The following EPS8 variants were observed in gnomAD, a reference collection of about 807,000 sequenced individuals.
EPS8 encodes the protein EGFR pathway substrate 8, signaling adaptor.
In EPS8, 42 loss-of-function variants were observed where a neutral mutation model predicts 103.8. The observed-to-expected ratio is 0.40, with a 90% CI of 0.32 to 0.52. EPS8 has a LOEUF of 0.52. Among genes scored for constraint, EPS8 ranks in the 20% least tolerant of loss-of-function variants. EPS8 has a pLI of 0.40. For missense variants in EPS8, 969 were observed against 1,005.1 expected (o/e 0.96, Z 0.49); for synonymous variants, 344 against 344.6 (o/e 1.00, Z 0.02).
At chr12:15,765,817 G>GA (rs1947088092) in intron 1 of EPS8, among the ~76,000 whole-genome samples, 1 of 140,624 alleles carries the variant, frequency 7.1e-6, no homozygotes, top group South Asian at 2.3e-4. Flanking sequence ...TTTTTTTTTG[G>GA]TTTTTTTTTT....
chr12:15,652,146 A>C (rs1945426437), intron 13 of EPS8, among the ~76,000 whole-genome samples: 1 of 152,204 alleles, frequency 6.6e-6, no homozygotes, highest in Admixed American at 6.5e-5. Flanking sequence ...TAAAAATGAA[A>C]GAAATCTTGT....
chr12:15,676,169 A>T (rs1945902671), intron 3 of EPS8, among the ~76,000 whole-genome samples: 1 of 145,492 alleles, frequency 6.9e-6, no homozygotes. Context: ...GCTACTCAGG[A>T]GGCTGAGACA....
rs1443692528 is a variant in EPS8 at position 15,734,650 on chromosome 12, C to T, written c.-21-51678G>A. On this transcript the variant is annotated intron_variant, in intron 1 of 20. Transcript: ENST00000281172. The surrounding 1 kb of genome is among the most constrained non-coding windows in gnomAD (Gnocchi z 4.1). ...CGGACCTTGCAGTGAGCCGAGATCG[C>T]GCCACTGTACTCCAGCCTGGGCGAC... Among the ~76,000 whole-genome samples the T allele has an allele frequency of 5.3e-5, 8 of 151,958 alleles. No individual in the cohort carries two copies. The highest frequency in any genetic ancestry group is 1.5e-4 in the African/African-American group (6 of 41,358).
At chr12:15,626,788 A>C (rs949259696) in intron 18 of EPS8, among the ~76,000 whole-genome samples, 1 of 151,914 alleles carries the variant, frequency 6.6e-6, no homozygotes, top group Non-Finnish European at 1.5e-5. Context: ...CTTGCTCCCA[A>C]TGGCTCCCTT....
chr12:15,676,117 A>G (rs1277444096), intron 3 of EPS8, among the ~76,000 whole-genome samples: 1 of 151,816 alleles, frequency 6.6e-6, no homozygotes, highest in Non-Finnish European at 1.5e-5. Flanking sequence ...TTAAAAATAC[A>G]AAAAAATTAG....
rs1947290002 is a variant in EPS8 at position 15,784,444 on chromosome 12, T to C, written c.-22+4717A>G. ...AATTAAAGTAACAATGACATATTACTACACACCTACTAGAATGGGTAAAAT... is the reference window on the plus strand; with the variant it reads ...AATTAAAGTAACAATGACATATTACCACACACCTACTAGAATGGGTAAAAT... On this transcript the variant is annotated intron_variant, in intron 1 of 20. Coordinates refer to ENST00000281172, the MANE Select transcript of EPS8 (RefSeq NM_004447.6). The surrounding 1 kb of genome is among the most constrained non-coding windows in gnomAD (Gnocchi z 4.0). 6.6e-6 allele frequency among the ~76,000 whole-genome samples: 1 copy of C among 152,182 alleles called. No homozygotes were observed. Among genetic ancestry groups the C allele is most frequent in the African/African-American group, 2.4e-5 (1 of 41,452 alleles).
At chr12:15,666,657 C>A in intron 6 of EPS8, 135 bp from the exon 7 acceptor site, 1 of 621,956 alleles carries the variant, frequency 1.6e-6, no homozygotes, top group Middle Eastern at 2.7e-4. Flanking sequence ...TTATAAAAAT[C>A]TTGCAAAACA....
intron 3 of EPS8, among the ~76,000 whole-genome samples, chr12:15,679,256 G>C (rs963832596): frequency 2.6e-5 from 4 of 152,102 alleles, no homozygotes; most frequent in African/African-American, 7.2e-5. Flanking sequence ...ACTATCCTGA[G>C]TAAAAAACAT....
intron 3 of EPS8, among the ~76,000 whole-genome samples, chr12:15,672,772 T>G (rs1348921376): frequency 6.6e-6 from 1 of 152,178 alleles, no homozygotes; most frequent in Non-Finnish European, 1.5e-5. Flanking sequence ...CTAGAAATAA[T>G]CACTATTTCA....
Position 15,779,504 on chromosome 12 carries a change from C to T in EPS8, c.-22+9657G>A, listed in dbSNP as rs372391640. 3.7e-4 allele frequency among the ~76,000 whole-genome samples: 56 copies of T among 152,252 alleles called. No individual in the cohort carries two copies. The highest frequency in any genetic ancestry group is 1.2e-3 in the African/African-American group (49 of 41,552). On this transcript the variant is annotated intron_variant, in intron 1 of 20. Coordinates refer to ENST00000281172, the MANE Select transcript of EPS8 (RefSeq NM_004447.6). The surrounding 1 kb of genome is among the most constrained non-coding windows in gnomAD (Gnocchi z 4.3). ...CAGATTTTACACATATTTTTATTTG[C>T]AGCTTTGTTTTTCCACTTCAGATAC...
At chr12:15,755,023 T>TA (rs1946971378) in intron 1 of EPS8, among the ~76,000 whole-genome samples, 1 of 152,326 alleles carries the variant, frequency 6.6e-6, no homozygotes, top group East Asian at 1.9e-4. Context: ...GATGTGCGCA[T>TA]ACCCAGAATG....
At chr12:15,652,610 T>G (rs1200995175) in intron 13 of EPS8, among the ~76,000 whole-genome samples, 6 of 152,092 alleles carry the variant, frequency 3.9e-5, no homozygotes, top group Non-Finnish European at 2.9e-5. Context: ...AATAAAAAGA[T>G]CTATTTAACC....
At chr12:15,732,612 T>A in intron 1 of EPS8, 1 of 227,820 alleles carries the variant, frequency 4.4e-6, no homozygotes, top group Non-Finnish European at 7.3e-6. Context: ...TGGTAAATGT[T>A]CCTTAAAACT....
In EPS8 at chr12:15,658,147, G is replaced by A. The variant is rs767379065; in HGVS notation, c.1033C>T (p.Leu345=). ...FKHGFNLLAK[L]KSHIQNPSAA... ...CTAGGATTCTGAATATGAGACTTCA[G>A]TTTGGCCTGCAACATGAAGAAAACA... Residue 345 remains leucine (L), a synonymous_variant, in exon 12 of 21, where the codon CTG becomes TTG. Transcript: ENST00000281172. 2 of 1,609,210 alleles carry A rather than the reference G, an allele frequency of 1.2e-6. No individual in the cohort carries two copies. The highest frequency in any genetic ancestry group is 8.5e-7 in the Non-Finnish European group (1 of 1,176,490).
chr12:15,781,065 T>C lies in EPS8; in HGVS notation c.-22+8096A>G, dbSNP rs567975816. Among the ~76,000 whole-genome samples the C allele has an allele frequency of 6.6e-6, 1 of 152,258 alleles. No individual in the cohort carries two copies. The highest frequency in any genetic ancestry group is 2.4e-5 in the African/African-American group (1 of 41,564). ...ACAATGAGGGAAAGAAAGAAATAAC[T>C]AGCTAATGCTACCATTATTTGCTTT... On this transcript the variant is annotated intron_variant, in intron 1 of 20. Transcript: ENST00000281172. This position sits in a 1 kb window ranked among gnomAD's most constrained non-coding sequence, Gnocchi z 4.1.
intron 18 of EPS8, among the ~76,000 whole-genome samples, chr12:15,629,596 T>C (rs1945008207): frequency 6.6e-6 from 1 of 152,242 alleles, no homozygotes; most frequent in African/African-American, 2.4e-5. Context: ...TATTTTATTA[T>C]GGTTCTACAC....
Position 15,748,773 on chromosome 12 carries a change from T to C in EPS8, c.-22+40388A>G, listed in dbSNP as rs1208476193. On this transcript the variant is annotated intron_variant, in intron 1 of 20. Coordinates refer to ENST00000281172, the MANE Select transcript of EPS8 (RefSeq NM_004447.6). The surrounding 1 kb of genome is among the most constrained non-coding windows in gnomAD (Gnocchi z 4.8). ...ATGTATAACAGATCTAAGCTTTTTC[T>C]CTTTTATTCACATATCCTCCTGAAA... is the stretch of plus-strand genomic sequence containing the variant. Among the ~76,000 whole-genome samples the C allele has an allele frequency of 6.6e-6, 1 of 152,180 alleles. No individual in the cohort carries two copies. Among genetic ancestry groups the C allele is most frequent in the African/African-American group, 2.4e-5 (1 of 41,438 alleles).
chr12:15,721,203 C>T lies in EPS8; in HGVS notation c.-21-38231G>A, dbSNP rs1946591192. Among the ~76,000 whole-genome samples the T allele has an allele frequency of 6.6e-6, 1 of 152,094 alleles. No individual in the cohort carries two copies. The highest frequency in any genetic ancestry group is 1.5e-5 in the Non-Finnish European group (1 of 68,010). ...CAAGAAAATACTATAACACAAATAC[C>T]ACAACAGAGTAACTCAAACTTTTCC... On this transcript the variant is annotated intron_variant, in intron 1 of 20. Transcript: ENST00000281172. The surrounding 1 kb of genome is among the most constrained non-coding windows in gnomAD (Gnocchi z 4.4).
At chr12:15,629,639 A>C (rs1311072660) in intron 18 of EPS8, among the ~76,000 whole-genome samples, 2 of 152,226 alleles carry the variant, frequency 1.3e-5, no homozygotes, top group African/African-American at 2.4e-5. Context: ...GCTGTACAGA[A>C]AGAGCTAATC....
Sources: gnomAD v4.1 joint callset for allele counts (sites outside exome capture counted in the v4.1 genomes callset) on GRCh38, gnomAD v4.1.1 for gene constraint, Gnocchi (gnomAD v3.1) non-coding constraint, MANE v1.5 for transcripts, NCBI Gene and HGNC (gene_info 2026-07-23, HGNC 2026-07-21) for gene names.